The following GULP1 variants were observed in gnomAD, a reference collection of about 807,000 sequenced individuals.
The protein encoded by GULP1 is PTB domain-containing engulfment adapter protein 1.
Under a neutral mutation model 40.9 loss-of-function variants are expected in GULP1, and 19 were observed. The ratio of observed to expected loss-of-function variants is 0.46; its 90% CI spans 0.32 to 0.68. The LOEUF (loss-of-function observed/expected upper bound fraction) is 0.68, where lower values mean the gene tolerates loss of function less well. Among genes scored for constraint, GULP1 ranks in the 30% least tolerant of loss-of-function variants. GULP1 has a pLI of 0.03. For missense variants in GULP1, 312 were observed against 362.2 expected (o/e 0.86, Z 1.12); for synonymous variants, 119 against 117.6 (o/e 1.01, Z -0.08).
intron 2 of GULP1, among the ~76,000 whole-genome samples, chr2:188,470,639 T>C (rs1367134124): frequency 6.6e-6 from 1 of 152,158 alleles, no homozygotes; most frequent in African/African-American, 2.4e-5. Context: ...CAGGAAAATT[T>C]CCAATTTCCT....
At chr2:188,566,515 A>G (rs1337190316) in intron 7 of GULP1, among the ~76,000 whole-genome samples, 2 of 152,108 alleles carry the variant, frequency 1.3e-5, no homozygotes, top group African/African-American at 2.4e-5. Context: ...GTATTTAAAG[A>G]TAACATAATG....
chr2:188,529,930 A>G (rs928902090), intron 6 of GULP1, among the ~76,000 whole-genome samples: 5 of 152,200 alleles, frequency 3.3e-5, no homozygotes, highest in Non-Finnish European at 7.3e-5. Flanking sequence ...TGATTCATGA[A>G]TCAGGCAGCA....
chr2:188,473,619 C>T (rs1023840935), intron 2 of GULP1, among the ~76,000 whole-genome samples: 4 of 152,152 alleles, frequency 2.6e-5, no homozygotes, highest in Non-Finnish European at 1.5e-5. Flanking sequence ...TCCGTGGGCT[C>T]TTTAGTCAGC....
At chr2:188,503,429 C>A (rs1236295980) in intron 4 of GULP1, among the ~76,000 whole-genome samples, 2 of 151,368 alleles carry the variant, frequency 1.3e-5, no homozygotes, top group Non-Finnish European at 3.0e-5. Context: ...AGAGAGAGAG[C>A]AAGGGGGAAA....
chr2:188,347,976 A>G lies in GULP1; in HGVS notation c.-171-35787A>G, dbSNP rs115032915. ...TAACAGTCATTATCTGCTGAAATGAATTATGGAACTTATTATCAACTGAAG... is the reference window on the plus strand; with the variant it reads ...TAACAGTCATTATCTGCTGAAATGAGTTATGGAACTTATTATCAACTGAAG... On this transcript the variant is annotated intron_variant, in intron 1 of 11. Coordinates refer to ENST00000409830, the MANE Select transcript of GULP1 (RefSeq NM_016315.4). Among the ~76,000 whole-genome samples the G allele has an allele frequency of 1.8e-3, 271 of 152,312 alleles. 2 individuals are homozygous for G. The highest frequency in any genetic ancestry group is 6.2e-3 in the African/African-American group (258 of 41,568).
intron 1 of GULP1, among the ~76,000 whole-genome samples, chr2:188,352,690 A>C (rs1409010708): frequency 6.6e-6 from 1 of 150,416 alleles, no homozygotes; most frequent in African/African-American, 2.4e-5. Context: ...TAACAGTCAT[A>C]CAGCTTATAA....
At chr2:188,552,836 C>A (rs1009336095) in intron 7 of GULP1, among the ~76,000 whole-genome samples, 1 of 150,254 alleles carries the variant, frequency 6.7e-6, no homozygotes, top group Non-Finnish European at 1.5e-5. Context: ...CTTTTACCTC[C>A]TTGGTTAAAT....
intron 10 of GULP1, among the ~76,000 whole-genome samples, chr2:188,587,383 G>A (rs969194065): frequency 6.6e-6 from 1 of 152,016 alleles, no homozygotes; most frequent in African/African-American, 2.4e-5. Context: ...TGAATAAAAG[G>A]AGAGATAAGA....
intron 1 of GULP1, among the ~76,000 whole-genome samples, chr2:188,309,154 C>T (rs975284538): frequency 9.9e-5 from 15 of 152,064 alleles, no homozygotes; most frequent in African/African-American, 3.6e-4. Context: ...GATGTAACAT[C>T]ACGAATGATC....
At chr2:188,507,674 T>C (rs2153187646) in intron 4 of GULP1, among the ~76,000 whole-genome samples, 1 of 152,088 alleles carries the variant, frequency 6.6e-6, no homozygotes, top group East Asian at 1.9e-4. Flanking sequence ...AAGTGGCATG[T>C]CACAAAATGC....
intron 1 of GULP1, among the ~76,000 whole-genome samples, chr2:188,333,268 G>A (rs939417053): frequency 5.9e-5 from 9 of 151,708 alleles, no homozygotes; most frequent in Non-Finnish European, 1.2e-4. Flanking sequence ...AATTTGGCAG[G>A]TATACTGAAG....
chr2:188,494,783 A>C (rs1169023038), intron 4 of GULP1, among the ~76,000 whole-genome samples: 3 of 151,446 alleles, frequency 2.0e-5, no homozygotes, highest in Non-Finnish European at 4.4e-5. Flanking sequence ...CATCTCTCTT[A>C]TATGTTCTTT....
At chr2:188,356,808 A>G (rs191882167) in intron 1 of GULP1, among the ~76,000 whole-genome samples, 5 of 152,266 alleles carry the variant, frequency 3.3e-5, no homozygotes, top group African/African-American at 9.6e-5. Context: ...ACTTCAAAAT[A>G]TACTATGAAG....
chr2:188,554,731 A>G (rs543402661), intron 7 of GULP1, among the ~76,000 whole-genome samples: 2 of 152,156 alleles, frequency 1.3e-5, no homozygotes, highest in African/African-American at 2.4e-5. Flanking sequence ...AGTACTGACA[A>G]TGGGGTTTTG....
chr2:188,396,800 C>T (rs1253488102), intron 2 of GULP1, among the ~76,000 whole-genome samples: 2 of 152,222 alleles, frequency 1.3e-5, no homozygotes, highest in Non-Finnish European at 2.9e-5. Flanking sequence ...AGTTAGCTGG[C>T]AGGCTTCCAC....
intron 4 of GULP1, among the ~76,000 whole-genome samples, chr2:188,513,397 A>G (rs1290240217): frequency 3.3e-5 from 5 of 152,170 alleles, no homozygotes; most frequent in African/African-American, 1.2e-4. Context: ...AGTTCAATAT[A>G]TGTAGATACA....
intron 4 of GULP1, among the ~76,000 whole-genome samples, chr2:188,515,903 C>G (rs951696745): frequency 7.2e-5 from 11 of 151,918 alleles, no homozygotes; most frequent in African/African-American, 2.7e-4. Flanking sequence ...TTTATTTTAT[C>G]AAATAATCTA....
At chr2:188,577,866 G>A (rs567502021) in intron 9 of GULP1, among the ~76,000 whole-genome samples, 136 of 152,104 alleles carry the variant, frequency 8.9e-4, no homozygotes, top group African/African-American at 3.1e-3. Flanking sequence ...GTATGAATCA[G>A]CATGGTAATC....
intron 7 of GULP1, chr2:188,541,731 ATT>A: frequency 3.9e-6 from 1 of 257,626 alleles, no homozygotes; most frequent in East Asian, 8.2e-5. Flanking sequence ...GAAAATAAAT[ATT>A]CTTAACTCCA....
Sources: gnomAD v4.1 joint callset for allele counts (sites outside exome capture counted in the v4.1 genomes callset) on GRCh38, gnomAD v4.1.1 for gene constraint, MANE v1.5 for transcripts, NCBI Gene and HGNC (gene_info 2026-07-23, HGNC 2026-07-21) for gene names.